Variants in MMP16 observed in about 807,000 individuals in gnomAD.
MMP16 encodes the protein matrix metallopeptidase 16, also known as matrix metalloproteinase-16.
A neutral mutation model predicts 67.8 loss-of-function variants in MMP16; 12 were observed. The ratio of observed to expected loss-of-function variants is 0.18; its 90% confidence interval spans 0.11 to 0.29. The LOEUF (loss-of-function observed/expected upper bound fraction) is 0.29. MMP16 is among the 10% of genes least tolerant of loss of function. MMP16 has a pLI of 1.00. For synonymous variants in MMP16, 249 were observed against 255.9 expected, an observed-to-expected ratio of 0.97 and a Z score of 0.26; for missense variants, 475 against 765.7, an observed-to-expected ratio of 0.62 and a Z score of 4.48.
chr8:88,041,889 A>C lies in MMP16; in HGVS notation c.1490-94T>G, dbSNP rs1808137517. On this transcript the variant is annotated intron_variant, in intron 9 of 9. Transcript: ENST00000286614. This position sits in a 1 kb window ranked among gnomAD's most constrained non-coding sequence, Gnocchi z 6.0. ...ACTAAAATAGGCTATGTCTTAAGAG[A>C]TGTATTTTAAGGCCCTTTAATTTTC... 2.1e-6 allele frequency: 2 copies of C among 950,490 alleles called. No homozygotes were observed. Among genetic ancestry groups the C allele is most frequent in the Non-Finnish European group, 3.1e-6 (2 of 642,662 alleles). The allele number at this position is 950,490 out of a possible 1,614,324, so 58.9% of individuals were successfully genotyped here.
chr8:88,058,114 G>C lies in MMP16; in HGVS notation c.1223-1836C>G, dbSNP rs1357349626. Among the ~76,000 whole-genome samples, 1 of 152,130 alleles carries C rather than the reference G, an allele frequency of 6.6e-6. No individual in the cohort carries two copies. The highest frequency in any genetic ancestry group is 2.4e-5 in the African/African-American group (1 of 41,446). On this transcript the variant is annotated intron_variant, in intron 7 of 9. Transcript: ENST00000286614. This position sits in a 1 kb window ranked among gnomAD's most constrained non-coding sequence, Gnocchi z 4.2. Reference sequence around the variant, plus strand: ...AATATTGGGAAGTGCATTCAGAGCAGAGGACAGTCTGGGATGATCAACAAA... The same window carrying C: ...AATATTGGGAAGTGCATTCAGAGCACAGGACAGTCTGGGATGATCAACAAA...
At chr8:88,265,221 T>TC (rs1810455404) in intron 1 of MMP16, among the ~76,000 whole-genome samples, 2 of 117,992 alleles carry the variant, frequency 1.7e-5, no homozygotes, top group South Asian at 2.9e-4. Flanking sequence ...AATGACCATT[T>TC]CCTTTTTTTT....
At chr8:88,219,089 T>C (rs990251584) in intron 1 of MMP16, among the ~76,000 whole-genome samples, 1 of 151,220 alleles carries the variant, frequency 6.6e-6, no homozygotes, top group Admixed American at 6.6e-5. Context: ...TAAATACATA[T>C]GATGACTGAA....
At chr8:88,065,237 GAACTCTACAGGGCACAACA>G in intron 7 of MMP16, among the ~76,000 whole-genome samples, 1 of 152,046 alleles carries the variant, frequency 6.6e-6, no homozygotes, top group African/African-American at 2.4e-5. Flanking sequence ...GCTTTCTGGG[GAACTCTACAGGGCACAACA>G]AACAAAGTGA....
intron 6 of MMP16, among the ~76,000 whole-genome samples, chr8:88,109,870 G>A (rs1262103382): frequency 6.6e-6 from 1 of 151,062 alleles, no homozygotes; most frequent in Non-Finnish European, 1.5e-5. Context: ...GAGTAAAAGG[G>A]TTTTTAAATT....
At chr8:88,057,333 C>T (rs980730839) in intron 7 of MMP16, among the ~76,000 whole-genome samples, 1 of 152,070 alleles carries the variant, frequency 6.6e-6, no homozygotes, top group Non-Finnish European at 1.5e-5. Flanking sequence ...CAAATAACTA[C>T]AGGGGCCAGG....
chr8:88,154,519 A>G (rs1311555562), intron 4 of MMP16, among the ~76,000 whole-genome samples: 1 of 151,286 alleles, frequency 6.6e-6, no homozygotes, highest in African/African-American at 2.4e-5. Flanking sequence ...CATATACACC[A>G]TGGAATACTA....
At chr8:88,253,419 T>A (rs1424453428) in intron 1 of MMP16, among the ~76,000 whole-genome samples, 1 of 152,058 alleles carries the variant, frequency 6.6e-6, no homozygotes, top group Non-Finnish European at 1.5e-5. Flanking sequence ...ATGATCCAGA[T>A]AAATATTAAC....
intron 1 of MMP16, among the ~76,000 whole-genome samples, chr8:88,258,277 A>G (rs1810335542): frequency 6.6e-6 from 1 of 152,172 alleles, no homozygotes; most frequent in Admixed American, 6.5e-5. Flanking sequence ...AGCCTTCAAG[A>G]AGAAAGATGA....
intron 1 of MMP16, among the ~76,000 whole-genome samples, chr8:88,294,528 GTC>G (rs1369096132): frequency 6.9e-6 from 1 of 144,188 alleles, no homozygotes; most frequent in Non-Finnish European, 1.5e-5. Flanking sequence ...ACATGTATAT[GTC>G]TCTATACACA....
chr8:88,132,792 G>A (rs186878904), intron 4 of MMP16, among the ~76,000 whole-genome samples: 2 of 151,988 alleles, frequency 1.3e-5, no homozygotes, highest in East Asian at 3.9e-4. Flanking sequence ...ATCCAGAGGT[G>A]GCTCACTGGT....
intron 6 of MMP16, among the ~76,000 whole-genome samples, chr8:88,110,742 T>C (rs1191409302): frequency 1.3e-5 from 2 of 151,694 alleles, no homozygotes; most frequent in African/African-American, 4.8e-5. Flanking sequence ...TTCACTCACC[T>C]CCTTTATATC....
chr8:88,183,727 TTTTTTGA>T (rs1474724932), intron 3 of MMP16, among the ~76,000 whole-genome samples: 1 of 143,076 alleles, frequency 7.0e-6, no homozygotes, highest in Non-Finnish European at 1.5e-5. Flanking sequence ...TTTTTTTTTT[TTTTTTGA>T]GATGGAGTTT....
intron 3 of MMP16, among the ~76,000 whole-genome samples, chr8:88,175,068 A>G (rs933401517): frequency 3.3e-5 from 5 of 152,152 alleles, no homozygotes; most frequent in Non-Finnish European, 7.4e-5. Context: ...CTGCTTTTTG[A>G]GAGGAGGACA....
intron 1 of MMP16, among the ~76,000 whole-genome samples, chr8:88,263,987 A>AGTGT (rs56663859): frequency 9.9e-5 from 14 of 142,116 alleles, no homozygotes; most frequent in African/African-American, 3.2e-4. Flanking sequence ...AGAGAGAGAG[A>AGTGT]GTGTGTGTGT....
intron 7 of MMP16, among the ~76,000 whole-genome samples, chr8:88,063,535 T>C (rs1302188197): frequency 2.6e-5 from 4 of 151,578 alleles, no homozygotes; most frequent in Admixed American, 1.3e-4. Flanking sequence ...TTAAGATTTC[T>C]ACCTGCTTTT....
intron 4 of MMP16, 22 bp downstream of exon 4, chr8:88,167,647 T>G (rs1424723804): frequency 6.4e-7 from 1 of 1,562,384 alleles, no homozygotes; most frequent in Non-Finnish European, 8.7e-7. Context: ...ATATTTACAC[T>G]GTAAAACAAA....
chr8:88,259,346 G>C (rs1810352083), intron 1 of MMP16, among the ~76,000 whole-genome samples: 1 of 152,124 alleles, frequency 6.6e-6, no homozygotes, highest in South Asian at 2.1e-4. Context: ...TTAAAGCAAA[G>C]CTCACTAGAG....
intron 1 of MMP16, among the ~76,000 whole-genome samples, chr8:88,247,649 G>T (rs530765290): frequency 6.6e-6 from 1 of 152,152 alleles, no homozygotes; most frequent in East Asian, 1.9e-4. Context: ...GACAATAAAA[G>T]GTAGGAAAAC....
Sources: allele counts gnomAD v4.1 joint callset (sites outside exome capture counted in the v4.1 genomes callset), GRCh38; gene constraint gnomAD v4.1.1; non-coding constraint Gnocchi (gnomAD v3.1); transcripts MANE v1.5; gene names NCBI Gene and HGNC (gene_info 2026-07-23, HGNC 2026-07-21).